The following CPA6 variants were observed in gnomAD, a reference collection of about 807,000 sequenced individuals.
CPA6 encodes carboxypeptidase A6.
In CPA6, 58 loss-of-function variants were observed where a neutral mutation model predicts 63.3. The ratio of observed to expected loss-of-function variants is 0.92; its 90% CI spans 0.74 to 1.14. CPA6 has a LOEUF of 1.14. CPA6 is among the 50% of genes most tolerant of loss of function. The pLI, the probability that CPA6 is intolerant of heterozygous loss-of-function variation, is 0.00. For synonymous variants in CPA6, 185 were observed against 179.0 expected (o/e 1.03, Z -0.27); for missense variants, 565 against 526.6 (o/e 1.07, Z -0.71).
At chr8:67,476,064 G>T (rs374959810) in intron 8 of CPA6, among the ~76,000 whole-genome samples, 1 of 149,862 alleles carries the variant, frequency 6.7e-6, no homozygotes, top group East Asian at 2.0e-4. Flanking sequence ...GCTGAGGTTG[G>T]AGTGCAGTGG....
chr8:67,667,573 C>T (rs897200593), intron 1 of CPA6, among the ~76,000 whole-genome samples: 2 of 152,016 alleles, frequency 1.3e-5, no homozygotes, highest in African/African-American at 4.8e-5. Flanking sequence ...CTTCTCATTT[C>T]CTCTGATTTT....
chr8:67,648,127 C>T (rs993771566), intron 1 of CPA6, among the ~76,000 whole-genome samples: 1 of 152,070 alleles, frequency 6.6e-6, no homozygotes, highest in Admixed American at 6.6e-5. Flanking sequence ...GAAGTTAGGG[C>T]TGGAGATATA....
intron 2 of CPA6, among the ~76,000 whole-genome samples, chr8:67,615,123 G>T (rs1814911969): frequency 6.6e-6 from 1 of 152,134 alleles, no homozygotes; most frequent in Non-Finnish European, 1.5e-5. Flanking sequence ...TGGGGTCCAG[G>T]TTCCACACTT....
At chr8:67,426,521 G>GA (rs1459814667) in intron 10 of CPA6, among the ~76,000 whole-genome samples, 7 of 151,678 alleles carry the variant, frequency 4.6e-5, no homozygotes, top group Non-Finnish European at 1.0e-4. Flanking sequence ...CATGGACTTT[G>GA]AAAAAATAAA....
intron 2 of CPA6, chr8:67,569,920 A>G (rs1234987458): frequency 1.3e-5 from 2 of 159,454 alleles, no homozygotes. Flanking sequence ...GAGAGTAAAG[A>G]GGAAGTTGAT....
chr8:67,566,452 A>G (rs1813338713), intron 2 of CPA6, among the ~76,000 whole-genome samples: 2 of 152,230 alleles, frequency 1.3e-5, no homozygotes, highest in Admixed American at 1.3e-4. Context: ...ATCCACTTTA[A>G]GGACAATATC....
At chr8:67,651,912 T>G (rs1815849849) in intron 1 of CPA6, among the ~76,000 whole-genome samples, 1 of 150,840 alleles carries the variant, frequency 6.6e-6, no homozygotes, top group Non-Finnish European at 1.5e-5. Context: ...CCCGCAACAG[T>G]CCCTGGAGTG....
chr8:67,495,343 G>A (rs1811687894), intron 6 of CPA6, among the ~76,000 whole-genome samples: 1 of 152,100 alleles, frequency 6.6e-6, no homozygotes, highest in Admixed American at 6.6e-5. Context: ...CTCCCAAGTA[G>A]AACTGCAAAT....
At position 67,437,181 on chromosome 8, in the gene CPA6, G is replaced by T. The variant is rs1810179980; in HGVS notation, c.839-2941C>A. Among the ~76,000 whole-genome samples the T allele has an allele frequency of 2.6e-5, 4 of 152,296 alleles. No homozygotes were observed. The South Asian group carries it at 8.3e-4, about 32-fold the overall frequency. On this transcript the variant is annotated intron_variant, in intron 8 of 10. Coordinates refer to ENST00000297770, the MANE Select transcript of CPA6 (RefSeq NM_020361.5). ...GAGGACGAGGCGGGCGGATCACGAG[G>T]TCAGGAGATCGAGACCATCCTGGCT...
At chr8:67,730,642 C>T (rs1030811209) in intron 1 of CPA6, among the ~76,000 whole-genome samples, 1 of 152,160 alleles carries the variant, frequency 6.6e-6, no homozygotes, top group South Asian at 2.1e-4. Context: ...CAGAAGCCCC[C>T]ATCACCTGTC....
intron 8 of CPA6, among the ~76,000 whole-genome samples, chr8:67,446,843 T>C (rs751181079): frequency 2.0e-5 from 3 of 152,338 alleles, no homozygotes; most frequent in Middle Eastern, 3.4e-3. Flanking sequence ...GAATGACCCA[T>C]GTTAAAAACT....
intron 2 of CPA6, among the ~76,000 whole-genome samples, chr8:67,619,292 G>C (rs1275360476): frequency 6.6e-6 from 1 of 152,208 alleles, no homozygotes; most frequent in Non-Finnish European, 1.5e-5. Context: ...CACTGTGTGT[G>C]TGGGTTTTCT....
At chr8:67,428,836 C>T (rs936385309) in intron 9 of CPA6, among the ~76,000 whole-genome samples, 1 of 152,172 alleles carries the variant, frequency 6.6e-6, no homozygotes, top group South Asian at 2.1e-4. Flanking sequence ...GGGACCATGT[C>T]GGTCTCAGTC....
chr8:67,614,222 T>C (rs1173540472), intron 2 of CPA6, among the ~76,000 whole-genome samples: 1 of 152,210 alleles, frequency 6.6e-6, no homozygotes. Flanking sequence ...CACCCCAGCC[T>C]CTGCACTTGC....
chr8:67,588,773 G>C (rs746414081), intron 2 of CPA6, among the ~76,000 whole-genome samples: 4 of 151,984 alleles, frequency 2.6e-5, no homozygotes, highest in Non-Finnish European at 5.9e-5. Context: ...TTTTCATTTG[G>C]GCCCAGCCCC....
At position 67,689,197 on chromosome 8, in the gene CPA6, C is replaced by T. The variant is rs553533262; in HGVS notation, c.116+56817G>A. On this transcript the variant is annotated intron_variant, in intron 1 of 10. Coordinates refer to ENST00000297770, the MANE Select transcript of CPA6 (RefSeq NM_020361.5). ...CTTTTTGTTTTGGAAGTTACCGTTACGCCTGGTTCTCTAGTTATAGACATG... is the reference window on the plus strand; with the variant it reads ...CTTTTTGTTTTGGAAGTTACCGTTATGCCTGGTTCTCTAGTTATAGACATG... 4.2e-4 allele frequency among the ~76,000 whole-genome samples: 64 copies of T among 152,230 alleles called. No homozygotes were observed. The South Asian group carries it at 0.01, about 24-fold the overall frequency.
Position 67,483,866 on chromosome 8 carries a change from T to C in CPA6, c.748-8A>G. On this transcript the variant is annotated splice_polypyrimidine_tract_variant and splice_region_variant and intron_variant, in intron 7 of 10. Coordinates refer to ENST00000297770, the MANE Select transcript of CPA6 (RefSeq NM_020361.5). ...TTTTCTCCAAAATCGATCCTAGACA[T>C]AATTAAGAAAACAGGTGCTGAGAAA... 3 of 1,610,600 alleles carry C rather than the reference T, an allele frequency of 1.9e-6. No homozygotes were observed. Among genetic ancestry groups the C allele is most frequent in the Non-Finnish European group, 1.7e-6 (2 of 1,176,896 alleles).
chr8:67,736,580 C>T (rs1817817191), intron 1 of CPA6, among the ~76,000 whole-genome samples: 1 of 152,164 alleles, frequency 6.6e-6, no homozygotes, highest in Admixed American at 6.5e-5. Flanking sequence ...GTTTCTAGAC[C>T]TTTCTGCTAC....
intron 8 of CPA6, among the ~76,000 whole-genome samples, chr8:67,480,731 T>G (rs1330402260): frequency 2.6e-5 from 4 of 152,200 alleles, no homozygotes; most frequent in Non-Finnish European, 5.9e-5. Flanking sequence ...TTTTAACTTT[T>G]TAGGGAAATG....
Sources: allele counts gnomAD v4.1 joint callset (sites outside exome capture counted in the v4.1 genomes callset), GRCh38; gene constraint gnomAD v4.1.1; transcripts MANE v1.5; gene names NCBI Gene and HGNC (gene_info 2026-07-23, HGNC 2026-07-21).